The following CLEC12A variants were observed in gnomAD, a reference collection of about 807,000 sequenced individuals.
CLEC12A encodes C-type lectin protein CLL-1.
In CLEC12A, 22 loss-of-function variants were observed where a neutral mutation model predicts 26.5. That is an observed-to-expected ratio of 0.83 (90% confidence interval 0.59 to 1.19). The LOEUF (loss-of-function observed/expected upper bound fraction) is 1.19, where lower values mean the gene tolerates loss of function less well. Ranked by LOEUF, CLEC12A falls within the 50% of genes most tolerant of loss-of-function variation. The pLI, the probability that CLEC12A is intolerant of heterozygous loss-of-function variation, is 0.00. For synonymous variants in CLEC12A, 119 were observed against 101.9 expected (o/e 1.17, Z -1.01); for missense variants, 353 against 315.6 (o/e 1.12, Z -0.90).
At chr12:9,974,830 T>C (rs1349576345) in intron 1 of CLEC12A, among the ~76,000 whole-genome samples, 2 of 152,190 alleles carry the variant, frequency 1.3e-5, no homozygotes, top group Non-Finnish European at 2.9e-5. Context: ...TGATATGGTT[T>C]GACTGTGTCT....
intron 4 of CLEC12A, among the ~76,000 whole-genome samples, chr12:9,993,870 A>C (rs1264004394): frequency 6.6e-6 from 1 of 152,148 alleles, no homozygotes; most frequent in African/African-American, 2.4e-5. Context: ...GTTTATTTGG[A>C]GAATACCTGC....
Position 9,985,430 on chromosome 12 carries a change from ATCCTATACT to A in CLEC12A, c.*408_*416del. ...TGGCATGGCTCCCCATCTCGGGTCC[ATCCTATACT>A]TCCATGGGACTCCCTATGGCTGAAG... On this transcript the variant is annotated 3_prime_UTR_variant, in exon 6 of 6. Transcript: ENST00000304361. The A allele has an allele frequency of 2.5e-6, 1 of 400,722 alleles. No individual in the cohort carries two copies. The highest frequency in any genetic ancestry group is 4.4e-6 in the Non-Finnish European group (1 of 227,594). The allele number at this position is 400,722 out of a possible 1,614,324, so 24.8% of individuals were successfully genotyped here.
At chr12:9,997,378 T>A (rs1591852212), downstream of CLEC12A, 4 of 1,084,384 alleles carry the variant, frequency 3.7e-6, no homozygotes, top group East Asian at 2.6e-5. Context: ...TTTGCCAATA[T>A]ATGAGGAGTT....
At chr12:9,990,642 A>G (rs1278187307) in intron 4 of CLEC12A, among the ~76,000 whole-genome samples, 1 of 152,230 alleles carries the variant, frequency 6.6e-6, no homozygotes, top group African/African-American at 2.4e-5. Flanking sequence ...CTAATAAAGT[A>G]TTCTGAATAT....
At chr12:9,961,194 A>G (rs1403331574) in intron 1 of CLEC12A, among the ~76,000 whole-genome samples, 1 of 152,220 alleles carries the variant, frequency 6.6e-6, no homozygotes, top group Non-Finnish European at 1.5e-5. Flanking sequence ...TATCATGCAA[A>G]TGAAGCCTCC....
At chr12:9,976,196 G>A (rs2896048) in intron 1 of CLEC12A, among the ~76,000 whole-genome samples, 40,970 of 151,944 alleles carry the variant, frequency 0.27, 6,234 homozygotes, top group Non-Finnish European at 0.33. Flanking sequence ...GCAGTGAGAA[G>A]TGGACCACCG....
chr12:9,968,581 G>A (rs7953814), upstream of CLEC12A, among the ~76,000 whole-genome samples: 60,782 of 151,864 alleles, frequency 0.4, 12,631 homozygotes, highest in Non-Finnish European at 0.45. Context: ...CTTCTTTTGT[G>A]GTGGAATGTC....
chr12:9,975,985 T>C (rs1864320174), intron 1 of CLEC12A, among the ~76,000 whole-genome samples: 1 of 152,146 alleles, frequency 6.6e-6, no homozygotes, highest in African/African-American at 2.4e-5. Context: ...TGTTGAGCCT[T>C]TGAGTGCACA....
chr12:9,996,918 T>C (rs572751389), downstream of CLEC12A: 3 of 1,613,988 alleles, frequency 1.9e-6, no homozygotes, highest in East Asian at 2.2e-5. Flanking sequence ...TCTCTTCCCA[T>C]GTTAAGTTGT....
At chr12:9,959,590 T>C (rs1863798054) in intron 1 of CLEC12A, among the ~76,000 whole-genome samples, 1 of 152,178 alleles carries the variant, frequency 6.6e-6, no homozygotes, top group Admixed American at 6.5e-5. Flanking sequence ...TGACTATAAG[T>C]CTTTTTTGAC....
the CLEC12A span, among the ~76,000 whole-genome samples, chr12:10,001,614 T>C: frequency 6.6e-6 from 1 of 152,232 alleles, no homozygotes; most frequent in Admixed American, 6.5e-5. Context: ...CATTGAGTTC[T>C]AATTTTGCTC....
At chr12:9,977,720 A>G (rs975065932) in intron 1 of CLEC12A, among the ~76,000 whole-genome samples, 6 of 152,102 alleles carry the variant, frequency 3.9e-5, no homozygotes, top group Admixed American at 1.3e-4. Context: ...TGTCTCACTT[A>G]TATATCTATT....
downstream of CLEC12A, among the ~76,000 whole-genome samples, chr12:9,997,733 T>C (rs1865087445): frequency 6.6e-6 from 1 of 152,206 alleles, no homozygotes; most frequent in Non-Finnish European, 1.5e-5. Context: ...GGATAAATGT[T>C]AGATTCTAAC....
intron 1 of CLEC12A, among the ~76,000 whole-genome samples, chr12:9,962,029 G>A (rs1235780130): frequency 1.3e-5 from 2 of 152,202 alleles, no homozygotes; most frequent in South Asian, 2.1e-4. Flanking sequence ...CTCGCTGAGT[G>A]TACCTCCAGG....
the CLEC12A span, among the ~76,000 whole-genome samples, chr12:10,001,973 G>A: frequency 1.3e-5 from 2 of 149,022 alleles, no homozygotes. Flanking sequence ...TCCGCCTCCT[G>A]GGTTCACGCC....
At chr12:9,963,324 A>G (rs894025644) in intron 1 of CLEC12A, among the ~76,000 whole-genome samples, 1 of 151,822 alleles carries the variant, frequency 6.6e-6, no homozygotes, top group African/African-American at 2.4e-5. Flanking sequence ...CTCTTCATTT[A>G]AGAATATACA....
intron 1 of CLEC12A, among the ~76,000 whole-genome samples, chr12:9,955,990 AG>A (rs1431774039): frequency 6.6e-6 from 1 of 152,242 alleles, no homozygotes; most frequent in African/African-American, 2.4e-5. Context: ...AAAAGATACA[AG>A]AACTGACAAA....
At chr12:9,972,754 G>A (rs1172159280) in intron 1 of CLEC12A, among the ~76,000 whole-genome samples, 1 of 152,132 alleles carries the variant, frequency 6.6e-6, no homozygotes. Context: ...AAGGATAGCA[G>A]ATTAATTCTG....
At chr12:9,961,929 G>A (rs1863835804) in intron 1 of CLEC12A, among the ~76,000 whole-genome samples, 1 of 152,152 alleles carries the variant, frequency 6.6e-6, no homozygotes, top group Non-Finnish European at 1.5e-5. Context: ...GAAGCTCTAG[G>A]TATGTTTGTG....
Sources: gnomAD v4.1 joint callset for allele counts (sites outside exome capture counted in the v4.1 genomes callset) on GRCh38, gnomAD v4.1.1 for gene constraint, MANE v1.5 for transcripts, NCBI Gene and HGNC (gene_info 2026-07-23, HGNC 2026-07-21) for gene names.